Variants in DGKI observed in about 807,000 individuals in gnomAD.
The protein encoded by DGKI is diacylglycerol kinase iota.
Under a neutral mutation model 147.5 loss-of-function variants are expected in DGKI, and 55 were observed. The observed-to-expected ratio is 0.37, with a 90% CI of 0.30 to 0.47. DGKI has a LOEUF of 0.47. DGKI is among the 20% of genes least tolerant of loss of function. DGKI has a pLI of 1.00. For missense variants in DGKI, 1,007 were observed against 1,323.8 expected (o/e 0.76, Z 3.71); for synonymous variants, 469 against 477.1 (o/e 0.98, Z 0.22).
intron 28 of DGKI, among the ~76,000 whole-genome samples, chr7:137,439,821 T>C (rs1813425078): frequency 6.6e-6 from 1 of 152,252 alleles, no homozygotes; most frequent in Non-Finnish European, 1.5e-5. Flanking sequence ...ACGGCCATAG[T>C]TGACAACAGG....
At chr7:137,539,593 G>A (rs934062209) in intron 20 of DGKI, among the ~76,000 whole-genome samples, 5 of 151,930 alleles carry the variant, frequency 3.3e-5, no homozygotes, top group Non-Finnish European at 5.9e-5. Context: ...TAAAACTAAC[G>A]TTGTAACCAC....
intron 15 of DGKI, among the ~76,000 whole-genome samples, chr7:137,578,821 T>C (rs912299791): frequency 3.3e-5 from 5 of 152,234 alleles, no homozygotes; most frequent in Non-Finnish European, 5.9e-5. Flanking sequence ...CCGTAAGCTA[T>C]GTATGCAGCT....
At chr7:137,537,168 C>T (rs1314855880) in intron 20 of DGKI, among the ~76,000 whole-genome samples, 2 of 152,044 alleles carry the variant, frequency 1.3e-5, no homozygotes, top group Non-Finnish European at 2.9e-5. Context: ...AGTAAGAGTA[C>T]CCAAGAAATT....
chr7:137,643,116 C>T (rs938734668), intron 6 of DGKI, among the ~76,000 whole-genome samples: 3 of 151,212 alleles, frequency 2.0e-5, no homozygotes, highest in Non-Finnish European at 2.9e-5. Flanking sequence ...ACGGTGAAAC[C>T]CTGTTTCTAC....
intron 6 of DGKI, among the ~76,000 whole-genome samples, chr7:137,635,610 C>G (rs922631128): frequency 6.6e-6 from 1 of 152,176 alleles, no homozygotes; most frequent in Non-Finnish European, 1.5e-5. Context: ...ATGAGATCCA[C>G]TGGACTATCA....
chr7:137,799,713 G>A (rs1797137227), intron 1 of DGKI, among the ~76,000 whole-genome samples: 1 of 152,168 alleles, frequency 6.6e-6, no homozygotes, highest in South Asian at 2.1e-4. Flanking sequence ...AAGCCAGCCA[G>A]CCTCATCTAC....
chr7:137,556,294 T>C (rs760278794), intron 19 of DGKI, among the ~76,000 whole-genome samples: 10 of 151,024 alleles, frequency 6.6e-5, no homozygotes, highest in Non-Finnish European at 1.2e-4. Context: ...TTAGAAGCAT[T>C]CCTTTCAAGA....
At chr7:137,398,757 G>A (rs555492205) in intron 30 of DGKI, among the ~76,000 whole-genome samples, 9 of 151,666 alleles carry the variant, frequency 5.9e-5, no homozygotes, top group Non-Finnish European at 1.0e-4. Flanking sequence ...ATCTTCTCTT[G>A]CAAAGTCTCT....
At chr7:137,705,983 A>G in intron 1 of DGKI, among the ~76,000 whole-genome samples, 1 of 152,118 alleles carries the variant, frequency 6.6e-6, no homozygotes, top group South Asian at 2.1e-4. Context: ...TTTTTAAGCT[A>G]ATTTTTATTG....
chr7:137,779,964 C>G (rs537436717), intron 1 of DGKI, among the ~76,000 whole-genome samples: 6 of 152,282 alleles, frequency 3.9e-5, no homozygotes, highest in African/African-American at 1.4e-4. Context: ...TAAAATGAGT[C>G]TGACTGCTAT....
At chr7:137,447,535 GAGA>G (rs1813762537) in intron 27 of DGKI, among the ~76,000 whole-genome samples, 1 of 152,288 alleles carries the variant, frequency 6.6e-6, no homozygotes, top group African/African-American at 2.4e-5. Context: ...AGTTAGGAAG[GAGA>G]AGAACTCCAG....
chr7:137,599,699 G>GT, intron 11 of DGKI, 124 bp downstream of exon 11: 1 of 785,354 alleles, frequency 1.3e-6, no homozygotes, highest in Non-Finnish European at 2.1e-6. Context: ...AGGAAGGAGA[G>GT]TACAGGTGAG....
At chr7:137,561,296 T>C (rs1818411395) in intron 19 of DGKI, among the ~76,000 whole-genome samples, 1 of 152,140 alleles carries the variant, frequency 6.6e-6, no homozygotes, top group South Asian at 2.1e-4. Flanking sequence ...AACATTATGC[T>C]AAATAAAATA....
chr7:137,486,345 G>GTGTT (rs1410764597), intron 22 of DGKI, among the ~76,000 whole-genome samples: 1 of 151,986 alleles, frequency 6.6e-6, no homozygotes, highest in Non-Finnish European at 1.5e-5. Context: ...AGCTCTACAT[G>GTGTT]TGTTAATTTT....
chr7:137,702,268 C>A (rs1267536074), intron 1 of DGKI, among the ~76,000 whole-genome samples: 1 of 152,030 alleles, frequency 6.6e-6, no homozygotes, highest in East Asian at 1.9e-4. Context: ...GATGCAGAAA[C>A]TTCTAACCAT....
chr7:137,658,973 A>T (rs950937246), intron 3 of DGKI, among the ~76,000 whole-genome samples: 2 of 152,232 alleles, frequency 1.3e-5, no homozygotes, highest in African/African-American at 4.8e-5. Context: ...ATTGATTTTT[A>T]AAAGATCCTC....
rs1798748279 is a variant in DGKI at position 137,846,697 on chromosome 7, T to C, written c.166A>G (p.Ser56Gly). Residue 56 changes from serine (S) to glycine (G), a missense_variant, in exon 1 of 33, where the codon AGC becomes GGC. Ser to Gly is a moderately conservative substitution (Grantham distance 56, BLOSUM62 0). Transcript: ENST00000614521. This position sits in a 1 kb window ranked among gnomAD's most constrained non-coding sequence, Gnocchi z 4.0. ...AAAGAGAMNPSSSAGEEKGAT... is the reference protein window; with the variant it reads ...AAAGAGAMNPGSSAGEEKGAT... ...CCTTTCTCCTCTCCCGCCGAGGAGC[T>C]GGGGTTCATGGCGCCCGCTCCGGCG... 1.9e-6 allele frequency: 2 copies of C among 1,045,792 alleles called. No individual in the cohort carries two copies. Among genetic ancestry groups the C allele is most frequent in the Admixed American group, 5.0e-5 (1 of 20,200 alleles). 64.8% of individuals were successfully genotyped at this position (1,045,792 alleles called of 1,614,324 possible).
At chr7:137,778,865 T>C (rs1796439970) in intron 1 of DGKI, among the ~76,000 whole-genome samples, 1 of 152,174 alleles carries the variant, frequency 6.6e-6, no homozygotes, top group African/African-American at 2.4e-5. Flanking sequence ...ACAAAGGCAG[T>C]GATCCCTAAA....
chr7:137,797,364 GACC>G (rs1399982171), intron 1 of DGKI, among the ~76,000 whole-genome samples: 2 of 152,028 alleles, frequency 1.3e-5, no homozygotes, highest in Non-Finnish European at 2.9e-5. Flanking sequence ...GAGAAATAAA[GACC>G]ACCAATAAAG....
Sources: allele counts gnomAD v4.1 joint callset (sites outside exome capture counted in the v4.1 genomes callset), GRCh38; gene constraint gnomAD v4.1.1; non-coding constraint Gnocchi (gnomAD v3.1); transcripts MANE v1.5; gene names NCBI Gene and HGNC (gene_info 2026-07-23, HGNC 2026-07-21).